The following ROR2 variants were observed in gnomAD, a reference collection of about 807,000 sequenced individuals.
The protein encoded by ROR2 is tyrosine-protein kinase transmembrane receptor ROR2.
A neutral mutation model predicts 74.9 loss-of-function variants in ROR2; 33 were observed. That is an observed-to-expected ratio of 0.44 (90% CI 0.33 to 0.59). ROR2 has a LOEUF of 0.59. ROR2 is among the 20% of genes least tolerant of loss of function. ROR2 has a pLI of 0.02. For synonymous variants in ROR2, 586 were observed against 558.7 expected, an observed-to-expected ratio of 1.05 and a Z score of -0.69; for missense variants, 1,216 against 1,313.8, an observed-to-expected ratio of 0.93 and a Z score of 1.15.
intron 7 of ROR2, among the ~76,000 whole-genome samples, chr9:91,730,583 CTT>C (rs1837204237): frequency 6.6e-6 from 1 of 152,138 alleles, no homozygotes; most frequent in African/African-American, 2.4e-5. Flanking sequence ...GCCTCAGTCT[CTT>C]GAGTAGCTGG....
At chr9:91,879,053 A>C (rs1830032693) in intron 1 of ROR2, among the ~76,000 whole-genome samples, 1 of 152,096 alleles carries the variant, frequency 6.6e-6, no homozygotes, top group African/African-American at 2.4e-5. Context: ...AAAAAAGAAA[A>C]AACAAAACAA....
At chr9:91,775,634 G>C in intron 2 of ROR2, 107 bp downstream of exon 2, 1 of 1,010,896 alleles carries the variant, frequency 9.9e-7, no homozygotes, top group Non-Finnish European at 1.6e-6. Flanking sequence ...GGGGCACCAA[G>C]GGGCCAGAGG....
intron 1 of ROR2, among the ~76,000 whole-genome samples, chr9:91,928,263 A>G (rs947629743): frequency 6.6e-6 from 1 of 151,736 alleles, no homozygotes; most frequent in Non-Finnish European, 1.5e-5. Context: ...ACCGTCCCCC[A>G]CTGCCTTGTA....
chr9:91,743,268 G>C (rs1825305640), intron 4 of ROR2, among the ~76,000 whole-genome samples: 1 of 152,028 alleles, frequency 6.6e-6, no homozygotes, highest in Non-Finnish European at 1.5e-5. Context: ...ATCTAACAAG[G>C]ACATCAGAAA....
Position 91,733,258 on chromosome 9 carries a change from C to T in ROR2, c.801G>A (p.Glu267=), listed in dbSNP as rs967847248. The T allele has an allele frequency of 6.2e-6, 10 of 1,612,910 alleles. No individual in the cohort carries two copies. In the Middle Eastern group the frequency reaches 4.9e-4, roughly 80 times the overall value. The stretch of plus-strand genomic sequence containing the variant: ...GCGGGTTGGAGCGGGCGATGGTGTA[C>T]TCCTGGCGGCACAGGTCGCTCTCCA... ...EVLESDLCRQ[E]YTIARSNPLI... Residue 267 remains glutamate (E), a synonymous_variant, in exon 6 of 9, where the codon GAG becomes GAA. Coordinates refer to ENST00000375708, the MANE Select transcript of ROR2 (RefSeq NM_004560.4). The surrounding 1 kb of genome is among the most constrained non-coding windows in gnomAD (Gnocchi z 5.7).
chr9:91,755,957 C>T, intron 4 of ROR2, 114 bp downstream of exon 4: 1 of 1,151,280 alleles, frequency 8.7e-7, no homozygotes, highest in East Asian at 2.3e-5. Flanking sequence ...GAAGCCCAGC[C>T]AACTTCTAGC....
chr9:91,728,176 C>T (rs1442409273), intron 7 of ROR2, among the ~76,000 whole-genome samples: 1 of 152,206 alleles, frequency 6.6e-6, no homozygotes, highest in Non-Finnish European at 1.5e-5. Flanking sequence ...CAACATGACT[C>T]ATGCTTACTG....
At chr9:91,767,478 G>A (rs532256452) in intron 2 of ROR2, among the ~76,000 whole-genome samples, 2 of 152,282 alleles carry the variant, frequency 1.3e-5, no homozygotes, top group African/African-American at 4.8e-5. Flanking sequence ...GATCAGTCCA[G>A]GAAGATCAAG....
chr9:91,835,020 G>C (rs762903583), intron 1 of ROR2, among the ~76,000 whole-genome samples: 12 of 152,202 alleles, frequency 7.9e-5, no homozygotes, highest in Non-Finnish European at 1.8e-4. Context: ...GGGTGGGCCA[G>C]GGATGAGGAG....
At chr9:91,806,081 A>T (rs998784355) in intron 1 of ROR2, among the ~76,000 whole-genome samples, 2 of 152,192 alleles carry the variant, frequency 1.3e-5, no homozygotes, top group African/African-American at 4.8e-5. Context: ...GCTTTGTGTG[A>T]CTGTTCGGGT....
At chr9:91,739,512 T>TAA (rs1450620821) in intron 4 of ROR2, among the ~76,000 whole-genome samples, 1 of 66,428 alleles carries the variant, frequency 1.5e-5, no homozygotes, top group African/African-American at 6.6e-5. Flanking sequence ...GTCTTTAAAT[T>TAA]TAAAAAAAAA....
intron 1 of ROR2, among the ~76,000 whole-genome samples, chr9:91,891,538 G>A (rs1231619819): frequency 2.6e-5 from 4 of 152,174 alleles, no homozygotes; most frequent in Admixed American, 2.0e-4. Flanking sequence ...CAAAGTGCGG[G>A]GATTACAGGC....
intron 1 of ROR2, among the ~76,000 whole-genome samples, chr9:91,867,838 G>C (rs1315766191): frequency 6.6e-6 from 1 of 152,072 alleles, no homozygotes; most frequent in Admixed American, 6.5e-5. Context: ...ACCGGCATTG[G>C]GACTGCAAAC....
At chr9:91,737,658 A>G (rs1315153623) in intron 4 of ROR2, 140 bp from the exon 5 acceptor site, 30 of 1,120,970 alleles carry the variant, frequency 2.7e-5, no homozygotes, top group Non-Finnish European at 3.5e-5. Context: ...TAAGTAGAAC[A>G]CATAAGTCAC....
chr9:91,904,980 A>G (rs951508202), intron 1 of ROR2, among the ~76,000 whole-genome samples: 5 of 151,774 alleles, frequency 3.3e-5, no homozygotes, highest in African/African-American at 1.2e-4. Flanking sequence ...ATGCCACACA[A>G]CATACAATAC....
chr9:91,893,171 A>G (rs7875037), intron 1 of ROR2, among the ~76,000 whole-genome samples: 34,048 of 152,034 alleles, frequency 0.22, 4,817 homozygotes, highest in African/African-American at 0.4. Context: ...AGCTTTGGCT[A>G]GGAGACACCC....
At chr9:91,881,503 G>A (rs894578626) in intron 1 of ROR2, among the ~76,000 whole-genome samples, 19 of 152,174 alleles carry the variant, frequency 1.2e-4, no homozygotes, top group Non-Finnish European at 7.3e-5. Flanking sequence ...CATTTCACTC[G>A]AAGTCGCAGT....
At chr9:91,792,303 C>CTTTTTTTT (rs1358505448) in intron 1 of ROR2, among the ~76,000 whole-genome samples, 1 of 142,332 alleles carries the variant, frequency 7.0e-6, no homozygotes, top group African/African-American at 2.7e-5. Flanking sequence ...AAAGTTGGTT[C>CTTTTTTTT]TATTTTTTTT....
chr9:91,799,078 T>C (rs1827289848), intron 1 of ROR2, among the ~76,000 whole-genome samples: 1 of 152,178 alleles, frequency 6.6e-6, no homozygotes, highest in African/African-American at 2.4e-5. Context: ...TCACTCTGAT[T>C]TGGCATTGTT....
Sources: gnomAD v4.1 joint callset for allele counts (sites outside exome capture counted in the v4.1 genomes callset) on GRCh38, gnomAD v4.1.1 for gene constraint, Gnocchi (gnomAD v3.1) non-coding constraint, MANE v1.5 for transcripts, NCBI Gene and HGNC (gene_info 2026-07-23, HGNC 2026-07-21) for gene names.